EVI5: variants seen among roughly 807,000 people sequenced by gnomAD.
The protein encoded by EVI5 is ecotropic viral integration site 5 protein homolog.
Under a neutral mutation model 112.0 loss-of-function variants are expected in EVI5, and 73 were observed. That is an observed-to-expected ratio of 0.65 (90% CI 0.54 to 0.79). The LOEUF (loss-of-function observed/expected upper bound fraction) is 0.79. EVI5 is among the 30% of genes least tolerant of loss of function. EVI5 has a pLI of 0.00. For missense variants in EVI5, 900 were observed against 968.8 expected, an observed-to-expected ratio of 0.93 and a Z score of 0.94; for synonymous variants, 305 against 319.9, an observed-to-expected ratio of 0.95 and a Z score of 0.50.
chr1:92,741,205 G>C (rs1406840299), intron 1 of EVI5, among the ~76,000 whole-genome samples: 2 of 152,136 alleles, frequency 1.3e-5, no homozygotes, highest in Non-Finnish European at 2.9e-5. Context: ...CTTACATAAG[G>C]TCACAAAGCT....
At chr1:92,650,566 T>C (rs904300151) in intron 13 of EVI5, among the ~76,000 whole-genome samples, 4 of 152,114 alleles carry the variant, frequency 2.6e-5, no homozygotes, top group Admixed American at 1.3e-4. Context: ...CTTACAGATA[T>C]GTTTTAACTT....
At chr1:92,561,827 G>A (rs1557791288) in intron 19 of EVI5, among the ~76,000 whole-genome samples, 1 of 151,966 alleles carries the variant, frequency 6.6e-6, no homozygotes. Flanking sequence ...AGTAGAGATA[G>A]GGGTTTCACC....
At chr1:92,679,465 C>T (rs1053726292) in intron 9 of EVI5, among the ~76,000 whole-genome samples, 2 of 152,088 alleles carry the variant, frequency 1.3e-5, no homozygotes, top group Non-Finnish European at 2.9e-5. Context: ...AAAAATATCA[C>T]TCATTTATAC....
At chr1:92,709,499 T>C (rs1180976033) in intron 2 of EVI5, among the ~76,000 whole-genome samples, 1 of 152,180 alleles carries the variant, frequency 6.6e-6, no homozygotes, top group African/African-American at 2.4e-5. Context: ...AAAGATTATT[T>C]TGGGCATATT....
At chr1:92,536,585 A>G (rs965610601) in intron 19 of EVI5, among the ~76,000 whole-genome samples, 1 of 152,218 alleles carries the variant, frequency 6.6e-6, no homozygotes, top group Non-Finnish European at 1.5e-5. Context: ...TTAAGGATAC[A>G]TAAGTATTTT....
intron 18 of EVI5, among the ~76,000 whole-genome samples, chr1:92,578,044 T>G (rs1433843318): frequency 2.6e-5 from 4 of 152,244 alleles, no homozygotes; most frequent in African/African-American, 9.6e-5. Flanking sequence ...TGATAAACAC[T>G]GTCATGCTAG....
intron 13 of EVI5, among the ~76,000 whole-genome samples, chr1:92,654,917 G>C (rs557431749): frequency 6.6e-6 from 1 of 152,220 alleles, no homozygotes; most frequent in African/African-American, 2.4e-5. Flanking sequence ...AGTCCAGTCA[G>C]ACGAAAATAA....
intron 9 of EVI5, among the ~76,000 whole-genome samples, chr1:92,678,628 G>A (rs1200473132): frequency 6.6e-6 from 1 of 152,078 alleles, no homozygotes; most frequent in Admixed American, 6.6e-5. Context: ...AGCACGATAT[G>A]CAACTCTATG....
chr1:92,579,956 G>A (rs555461651), intron 18 of EVI5, among the ~76,000 whole-genome samples: 16 of 152,224 alleles, frequency 1.1e-4, no homozygotes, highest in African/African-American at 3.6e-4. Context: ...CTTTCATTGT[G>A]AATAAACAAT....
chr1:92,681,228 T>A (rs778125711), intron 9 of EVI5, among the ~76,000 whole-genome samples: 2 of 152,302 alleles, frequency 1.3e-5, no homozygotes, highest in South Asian at 2.1e-4. Flanking sequence ...GAGAGAAAAG[T>A]TGTTGTTCAT....
At chr1:92,593,841 T>C (rs1043916606) in intron 18 of EVI5, among the ~76,000 whole-genome samples, 3 of 152,102 alleles carry the variant, frequency 2.0e-5, no homozygotes, top group Admixed American at 6.5e-5. Context: ...GAGAATAAAA[T>C]ACCTAGGAAT....
chr1:92,771,764 CGCCT>C (rs1205276259), intron 1 of EVI5, among the ~76,000 whole-genome samples: 1 of 151,880 alleles, frequency 6.6e-6, no homozygotes, highest in African/African-American at 2.4e-5. Flanking sequence ...TGTGCCACCA[CGCCT>C]GCCCGGAATA....
chr1:92,666,021 A>C, intron 10 of EVI5, 29 bp from the exon 11 acceptor site: 1 of 1,511,694 alleles, frequency 6.6e-7, no homozygotes, highest in Non-Finnish European at 9.1e-7. Context: ...TTTTATTTGC[A>C]AGCATTTTTG....
intron 14 of EVI5, among the ~76,000 whole-genome samples, chr1:92,629,389 C>T (rs535331992): frequency 7.2e-5 from 11 of 152,194 alleles, no homozygotes; most frequent in African/African-American, 1.9e-4. Context: ...AAGGAACAAA[C>T]GACACAGAGC....
intron 18 of EVI5, among the ~76,000 whole-genome samples, chr1:92,567,200 A>T (rs182410002): frequency 8.3e-4 from 127 of 152,318 alleles, no homozygotes; most frequent in Middle Eastern, 3.4e-3. Flanking sequence ...ATTTTTGTAC[A>T]GCCATACAAT....
intron 10 of EVI5, among the ~76,000 whole-genome samples, chr1:92,675,618 C>G (rs1050561635): frequency 2.0e-5 from 3 of 151,962 alleles, no homozygotes; most frequent in African/African-American, 7.3e-5. Context: ...GGATGACGTA[C>G]TTTTTACTTG....
In EVI5 at chr1:92,520,648, T is replaced by C. The variant is rs145009130; in HGVS notation, c.2167-6678A>G. Among the ~76,000 whole-genome samples, 596 of 151,986 alleles carry C rather than the reference T, an allele frequency of 3.9e-3. 3 individuals carry two copies. The highest frequency in any genetic ancestry group is 9.7e-3 in the Admixed American group (148 of 15,250). ...GGTGAATCACTTGAGCCTAGGAGTA[T>C]GAGACTAGCCTGGGCAACAATGTGA... On this transcript the variant is annotated intron_variant, in intron 19 of 19. Coordinates refer to ENST00000684568, the MANE Select transcript of EVI5 (RefSeq NM_001350197.2).
At chr1:92,597,447 T>C (rs1648166848) in intron 18 of EVI5, among the ~76,000 whole-genome samples, 1 of 152,186 alleles carries the variant, frequency 6.6e-6, no homozygotes, top group African/African-American at 2.4e-5. Flanking sequence ...GAGGTTTAAA[T>C]TCCATTAAAA....
At chr1:92,669,101 A>C (rs541675791) in intron 10 of EVI5, among the ~76,000 whole-genome samples, 2 of 152,232 alleles carry the variant, frequency 1.3e-5, no homozygotes, top group Non-Finnish European at 2.9e-5. Context: ...ATAGCATAGC[A>C]CCTAATATAT....
Sources: allele counts gnomAD v4.1 joint callset (sites outside exome capture counted in the v4.1 genomes callset), GRCh38; gene constraint gnomAD v4.1.1; transcripts MANE v1.5; gene names NCBI Gene and HGNC (gene_info 2026-07-23, HGNC 2026-07-21).